Variants in PDE6A observed in about 807,000 individuals in gnomAD.
PDE6A encodes the protein phosphodiesterase 6A, also known as rod cGMP-specific 3',5'-cyclic phosphodiesterase subunit alpha.
PDE6A carries 84 observed loss-of-function variants against 106.3 expected under a neutral mutation model. The observed-to-expected ratio is 0.79, with a 90% CI of 0.66 to 0.95. PDE6A has a LOEUF of 0.95. Among genes scored for constraint, PDE6A ranks in the 40% least tolerant of loss-of-function variants. The pLI is 0.00. For missense variants in PDE6A, 1,052 were observed against 1,084.9 expected, an observed-to-expected ratio of 0.97 and a Z score of 0.43; for synonymous variants, 394 against 386.6, an observed-to-expected ratio of 1.02 and a Z score of -0.23.
In PDE6A at chr5:149,863,029, A is replaced by C; in HGVS notation, c.2506+90T>G. 1 of 1,513,400 alleles carries C rather than the reference A, an allele frequency of 6.6e-7. No homozygotes were observed. Among genetic ancestry groups the C allele is most frequent in the South Asian group, 1.1e-5 (1 of 88,854 alleles). The allele number at this position is 1,513,400 out of a possible 1,614,324, so 93.7% of individuals were successfully genotyped here. A position where few individuals can be genotyped will look rare whatever the true frequency, so the allele number is the denominator to read the frequency against. ...TTGGCCATCAGGAGGCCTGAATGAG[A>C]CTCCGTGTAAGAGTCTCTGAGGCAG... On this transcript the variant is annotated intron_variant, in intron 21 of 21. Coordinates refer to ENST00000255266, the MANE Select transcript of PDE6A (RefSeq NM_000440.3). This position sits in a 1 kb window ranked among gnomAD's most constrained non-coding sequence, Gnocchi z 4.7.
rs1462744175 is a variant in PDE6A, at chr5:149,858,001, C to T, written c.*2894G>A. The T allele has an allele frequency of 6.6e-6, 1 of 152,226 alleles. No individual in the cohort carries two copies. The highest frequency in any genetic ancestry group is 1.5e-5 in the Non-Finnish European group (1 of 68,042). The allele number at this position is 152,226 out of a possible 1,614,324, so 9.4% of individuals were successfully genotyped here. The stretch of plus-strand genomic sequence containing the variant: ...TAGAATGAGACAGAGGAATGTGTTA[C>T]ATGCGGCCACAAAGAAACAAACAGA... On this transcript the variant is annotated 3_prime_UTR_variant, in exon 22 of 22. Transcript: ENST00000255266.
intron 6 of PDE6A, among the ~76,000 whole-genome samples, chr5:149,911,819 T>C (rs933818013): frequency 7.7e-6 from 1 of 129,250 alleles, no homozygotes; most frequent in Non-Finnish European, 1.6e-5. Flanking sequence ...CTGGGCAACA[T>C]GGTGAGACCC....
chr5:149,932,135 G>C, intron 3 of PDE6A: 1 of 1,241,766 alleles, frequency 8.1e-7, no homozygotes, highest in Non-Finnish European at 1.2e-6. Context: ...TATTTAGTTT[G>C]ATTATCTGTC....
At chr5:149,939,686 A>C (rs1754276215) in intron 1 of PDE6A, among the ~76,000 whole-genome samples, 1 of 152,242 alleles carries the variant, frequency 6.6e-6, no homozygotes, top group African/African-American at 2.4e-5. Flanking sequence ...TTTATAAAAT[A>C]GGAAATAAAC....
chr5:149,896,202 T>C (rs1752743313), intron 12 of PDE6A, among the ~76,000 whole-genome samples, 154 bp downstream of exon 12: 1 of 152,260 alleles, frequency 6.6e-6, no homozygotes, highest in Non-Finnish European at 1.5e-5. Context: ...TCTTTTCTTA[T>C]AAATGACTCA....
At chr5:149,903,945 G>A (rs1490743859) in intron 7 of PDE6A, among the ~76,000 whole-genome samples, 1 of 152,140 alleles carries the variant, frequency 6.6e-6, no homozygotes, top group African/African-American at 2.4e-5. Context: ...AAAAAGTTAA[G>A]GCTACAATTT....
At chr5:149,934,542 C>G (rs1754130134) in intron 2 of PDE6A, 24 bp downstream of exon 2, 1 of 1,612,930 alleles carries the variant, frequency 6.2e-7, no homozygotes. Flanking sequence ...GCATGGCTAT[C>G]CTTAGTCTCT....
chr5:149,930,518 G>A (rs1328504545), intron 4 of PDE6A, among the ~76,000 whole-genome samples: 3 of 152,230 alleles, frequency 2.0e-5, no homozygotes, highest in African/African-American at 7.2e-5. Flanking sequence ...ACATCGCTGG[G>A]AGCGACATCG....
At chr5:149,923,196 T>C (rs1231656598) in intron 4 of PDE6A, among the ~76,000 whole-genome samples, 1 of 152,108 alleles carries the variant, frequency 6.6e-6, no homozygotes, top group Non-Finnish European at 1.5e-5. Flanking sequence ...GTTGAATTTG[T>C]TTTGTCTAAA....
intron 4 of PDE6A, among the ~76,000 whole-genome samples, chr5:149,925,706 C>A (rs1022280222): frequency 0.028 from 2,879 of 101,704 alleles, no homozygotes; most frequent in Middle Eastern, 0.039. Flanking sequence ...GACTCTGTCT[C>A]AAAAAAAAAA....
chr5:149,865,352 G>C (rs1287015867), intron 20 of PDE6A, among the ~76,000 whole-genome samples: 1 of 151,038 alleles, frequency 6.6e-6, no homozygotes, highest in Non-Finnish European at 1.5e-5. Context: ...CAAGGCTGCT[G>C]TAAGCTATGA....
chr5:149,922,285 C>T (rs1034969768), intron 4 of PDE6A, among the ~76,000 whole-genome samples: 1 of 149,554 alleles, frequency 6.7e-6, no homozygotes, highest in Non-Finnish European at 1.5e-5. Flanking sequence ...GTCATGAATA[C>T]ATTTACAACA....
intron 17 of PDE6A, among the ~76,000 whole-genome samples, chr5:149,871,341 G>A (rs988277620): frequency 2.0e-5 from 3 of 152,156 alleles, no homozygotes; most frequent in African/African-American, 7.2e-5. Flanking sequence ...ACACATGCAG[G>A]TTAACATGTA....
intron 14 of PDE6A, among the ~76,000 whole-genome samples, 198 bp from the exon 15 acceptor site, chr5:149,885,065 G>A (rs1176501753): frequency 6.6e-6 from 1 of 152,178 alleles, no homozygotes; most frequent in African/African-American, 2.4e-5. Flanking sequence ...AATGCCATAA[G>A]GGATTTTAGG....
intron 9 of PDE6A, among the ~76,000 whole-genome samples, chr5:149,899,007 A>G (rs30821): frequency 0.83 from 126,359 of 152,078 alleles, 53,036 homozygotes; most frequent in African/African-American, 0.94. Context: ...AGGACCACAG[A>G]TATGCGCTAC....
chr5:149,920,379 G>A (rs767554095), intron 5 of PDE6A, among the ~76,000 whole-genome samples: 3 of 151,754 alleles, frequency 2.0e-5, no homozygotes, highest in South Asian at 2.1e-4. Flanking sequence ...TCAGGAGTTC[G>A]AGACCAGCCT....
At chr5:149,894,650 T>TTTG (rs1752668014) in intron 13 of PDE6A, among the ~76,000 whole-genome samples, 1 of 149,144 alleles carries the variant, frequency 6.7e-6, no homozygotes, top group African/African-American at 2.5e-5. Flanking sequence ...TTTTTTTTTT[T>TTTG]GAGACAGAGT....
chr5:149,865,412 GA>G (rs5872150), intron 20 of PDE6A, among the ~76,000 whole-genome samples: 31 of 137,256 alleles, frequency 2.3e-4, no homozygotes, highest in South Asian at 1.2e-3. Flanking sequence ...CTGTCTCAAA[GA>G]AAAAAAAAAA....
intron 1 of PDE6A, among the ~76,000 whole-genome samples, chr5:149,935,864 A>C (rs1355134122): frequency 6.6e-6 from 1 of 152,198 alleles, no homozygotes; most frequent in African/African-American, 2.4e-5. Context: ...TCTAAAACTA[A>C]GTCTGGGCCA....
Sources: gnomAD v4.1 joint callset for allele counts (sites outside exome capture counted in the v4.1 genomes callset) on GRCh38, gnomAD v4.1.1 for gene constraint, Gnocchi (gnomAD v3.1) non-coding constraint, MANE v1.5 for transcripts, NCBI Gene and HGNC (gene_info 2026-07-23, HGNC 2026-07-21) for gene names.